Variants in XRCC4 observed in about 807,000 individuals in gnomAD.
The protein encoded by XRCC4 is DNA repair protein XRCC4.
XRCC4 carries 28 observed loss-of-function variants against 39.1 expected under a neutral mutation model. The observed-to-expected ratio is 0.72, with a 90% CI of 0.53 to 0.98. The LOEUF (loss-of-function observed/expected upper bound fraction) is 0.98, where lower values mean the gene tolerates loss of function less well. XRCC4 is among the 50% of genes least tolerant of loss of function. The pLI, the probability that XRCC4 is intolerant of heterozygous loss-of-function variation, is 0.00. For synonymous variants in XRCC4, 123 were observed against 126.4 expected (o/e 0.97, Z 0.18); for missense variants, 350 against 376.4 (o/e 0.93, Z 0.58).
chr5:83,194,181 T>C (rs755696351), intron 3 of XRCC4, among the ~76,000 whole-genome samples: 15 of 152,206 alleles, frequency 9.9e-5, no homozygotes, highest in Admixed American at 2.0e-4. Flanking sequence ...TGACCTCAGA[T>C]GAACTCCACC....
At chr5:83,266,179 T>G (rs1753947626) in intron 7 of XRCC4, among the ~76,000 whole-genome samples, 1 of 151,698 alleles carries the variant, frequency 6.6e-6, no homozygotes, top group Non-Finnish European at 1.5e-5. Flanking sequence ...CCGGCAAAGT[T>G]ATTAATCAAA....
intron 1 of XRCC4, among the ~76,000 whole-genome samples, chr5:83,083,595 C>A (rs1745055377): frequency 6.6e-6 from 1 of 152,038 alleles, no homozygotes; most frequent in African/African-American, 2.4e-5. Context: ...CCAGACTGGT[C>A]TCGAACTCCT....
intron 4 of XRCC4, among the ~76,000 whole-genome samples, chr5:83,199,321 C>T (rs1364500804): frequency 1.3e-5 from 2 of 152,098 alleles, no homozygotes; most frequent in Admixed American, 6.6e-5. Context: ...AAGGCCATTT[C>T]CTCTTGTTCT....
At chr5:83,341,023 C>T (rs909915014) in intron 7 of XRCC4, among the ~76,000 whole-genome samples, 21 of 152,088 alleles carry the variant, frequency 1.4e-4, no homozygotes, top group African/African-American at 5.1e-4. Flanking sequence ...GTTGTTTTCT[C>T]AGCGAAGAAG....
chr5:83,133,520 G>C (rs1747714491), intron 3 of XRCC4, among the ~76,000 whole-genome samples: 1 of 152,224 alleles, frequency 6.6e-6, no homozygotes. Context: ...GCCTCCTTGA[G>C]CTGCGTTGGG....
chr5:83,300,782 A>G (rs1755256871), intron 7 of XRCC4, among the ~76,000 whole-genome samples: 1 of 149,784 alleles, frequency 6.7e-6, no homozygotes, highest in Non-Finnish European at 1.5e-5. Flanking sequence ...TCCTTGTGCC[A>G]TATGTTCTCA....
chr5:83,362,811 T>C, the XRCC4 span, among the ~76,000 whole-genome samples: 2 of 152,212 alleles, frequency 1.3e-5, no homozygotes, highest in Non-Finnish European at 2.9e-5. Context: ...TAATCTTATT[T>C]ATTTCAAGAA....
intron 3 of XRCC4, among the ~76,000 whole-genome samples, chr5:83,139,896 T>G (rs1748084988): frequency 6.6e-6 from 1 of 152,234 alleles, no homozygotes; most frequent in South Asian, 2.1e-4. Flanking sequence ...TTATGGTTGG[T>G]TGTATACTCA....
chr5:83,322,755 AC>A (rs1465031437), intron 7 of XRCC4, among the ~76,000 whole-genome samples: 1 of 152,172 alleles, frequency 6.6e-6, no homozygotes, highest in East Asian at 1.9e-4. Context: ...AAGGAATGCT[AC>A]AACCACAAAA....
At chr5:83,112,117 C>G (rs1478480) in intron 3 of XRCC4, among the ~76,000 whole-genome samples, 85,661 of 151,242 alleles carry the variant, frequency 0.57, 24,725 homozygotes, top group African/African-American at 0.7. Flanking sequence ...AGAGAAACTA[C>G]CCTTAGTAAT....
chr5:83,172,105 G>A (rs1422047343), intron 3 of XRCC4, among the ~76,000 whole-genome samples: 1 of 152,090 alleles, frequency 6.6e-6, no homozygotes, highest in Non-Finnish European at 1.5e-5. Context: ...ACAGTGGGTG[G>A]TGGAGAACCT....
At chr5:83,265,723 A>T (rs1753931699) in intron 7 of XRCC4, among the ~76,000 whole-genome samples, 1 of 152,160 alleles carries the variant, frequency 6.6e-6, no homozygotes, top group African/African-American at 2.4e-5. Flanking sequence ...ACACAGATTT[A>T]TGACCTTTTA....
intron 7 of XRCC4, 25 bp from the exon 8 acceptor site, chr5:83,353,106 A>G: frequency 2.6e-6 from 4 of 1,546,990 alleles, no homozygotes; most frequent in Non-Finnish European, 3.5e-6. Flanking sequence ...AAATAAAACT[A>G]TTTTGATTTT....
chr5:83,132,032 C>T (rs1246462154), intron 3 of XRCC4, among the ~76,000 whole-genome samples: 1 of 152,096 alleles, frequency 6.6e-6, no homozygotes, highest in Admixed American at 6.6e-5. Flanking sequence ...TTGTTCCTTT[C>T]CACGTTTGGG....
At chr5:83,200,613 C>T (rs567199732) in intron 4 of XRCC4, among the ~76,000 whole-genome samples, 1 of 152,208 alleles carries the variant, frequency 6.6e-6, no homozygotes, top group African/African-American at 2.4e-5. Flanking sequence ...GTTAAGTACA[C>T]ATCATCATTC....
At chr5:83,295,909 C>G (rs146852281) in intron 7 of XRCC4, among the ~76,000 whole-genome samples, 99 of 152,098 alleles carry the variant, frequency 6.5e-4, no homozygotes, top group African/African-American at 2.3e-3. Flanking sequence ...GAGAAGATCA[C>G]TTTTTCTACT....
chr5:83,117,739 AATTTAATTTT>A (rs138771637), intron 3 of XRCC4, among the ~76,000 whole-genome samples: 26,847 of 146,822 alleles, frequency 0.18, 2,938 homozygotes, highest in Non-Finnish European at 0.25. Context: ...TAAAAAAATT[AATTTAATTTT>A]ATTTTAAGTT....
At chr5:83,348,785 T>C (rs1328072998) in intron 7 of XRCC4, among the ~76,000 whole-genome samples, 3 of 152,250 alleles carry the variant, frequency 2.0e-5, no homozygotes, top group Non-Finnish European at 4.4e-5. Flanking sequence ...TTTCAAACTT[T>C]AATATTCTGC....
At chr5:83,165,257 A>T (rs1749407150) in intron 3 of XRCC4, among the ~76,000 whole-genome samples, 1 of 152,096 alleles carries the variant, frequency 6.6e-6, no homozygotes, top group Non-Finnish European at 1.5e-5. Context: ...AAGAAGTTTT[A>T]AAAAAATTCT....
Sources: gnomAD v4.1 joint callset for allele counts (sites outside exome capture counted in the v4.1 genomes callset) on GRCh38, gnomAD v4.1.1 for gene constraint, MANE v1.5 for transcripts, NCBI Gene and HGNC (gene_info 2026-07-23, HGNC 2026-07-21) for gene names.